HOMEZ: variants seen among roughly 807,000 people sequenced by gnomAD.
HOMEZ encodes the protein homeobox and leucine zipper protein Homez.
In HOMEZ, 20 loss-of-function variants were observed where a neutral mutation model predicts 50.1. The observed-to-expected ratio is 0.40, with a 90% CI of 0.28 to 0.58. HOMEZ has a LOEUF of 0.58. Among genes scored for constraint, HOMEZ ranks in the 20% least tolerant of loss-of-function variants. The pLI is 0.46. For missense variants in HOMEZ, 579 were observed against 680.5 expected (o/e 0.85, Z 1.66); for synonymous variants, 239 against 254.7 (o/e 0.94, Z 0.59).
intron 1 of HOMEZ, among the ~76,000 whole-genome samples, chr14:23,281,904 G>A (rs1886566162): frequency 6.6e-6 from 1 of 151,870 alleles, no homozygotes; most frequent in African/African-American, 2.4e-5. Context: ...TGAGGTGGGA[G>A]GATTGCTTGA....
chr14:23,277,453 G>GA (rs916113797), intron 1 of HOMEZ, among the ~76,000 whole-genome samples: 82 of 152,184 alleles, frequency 5.4e-4, no homozygotes, highest in African/African-American at 1.8e-3. Context: ...GTTGTTCCAA[G>GA]AAAAAAATCT....
chr14:23,283,357 C>T (rs946702164), intron 1 of HOMEZ, among the ~76,000 whole-genome samples: 5 of 151,462 alleles, frequency 3.3e-5, no homozygotes, highest in Admixed American at 3.3e-4. Flanking sequence ...GGCAACATAG[C>T]GAGACCTCGC....
chr14:23,273,038 A>AGGG lies in HOMEZ; in HGVS notation c.*2536_*2537insCCC. The AGGG allele has an allele frequency of 1.9e-6, 1 of 526,202 alleles. No homozygotes were observed. The highest frequency in any genetic ancestry group is 3.3e-6 in the Non-Finnish European group (1 of 299,906). The allele number at this position is 526,202 out of a possible 1,614,324, so 32.6% of individuals were successfully genotyped here. A position where few individuals can be genotyped will look rare whatever the true frequency, so the allele number is the denominator to read the frequency against. Reference sequence around the variant, plus strand: ...CTTATGCTCCCCCCATCTTTACCCTATTCACCCTTATCACCTCCCAGGACA... The same window carrying AGGG: ...CTTATGCTCCCCCCATCTTTACCCTAGGGTTCACCCTTATCACCTCCCAGGACA... On this transcript the variant is annotated 3_prime_UTR_variant, in exon 2 of 2. Coordinates refer to ENST00000357460, the MANE Select transcript of HOMEZ (RefSeq NM_020834.3).
rs45582142 is a variant in HOMEZ, at chr14:23,274,337, G to A, written c.*1238C>T. ...CAAGCTGGACAGGAGGTAGTTAACA[G>A]GTTTGTAAAACCAAACCTGAAACCT... On this transcript the variant is annotated 3_prime_UTR_variant, in exon 2 of 2. Transcript: ENST00000357460. 1 of 152,496 alleles carries A rather than the reference G, an allele frequency of 6.6e-6. No homozygotes were observed. The allele number at this position is 152,496 out of a possible 1,614,324, so 9.4% of individuals were successfully genotyped here. A position where few individuals can be genotyped will look rare whatever the true frequency, so the allele number is the denominator to read the frequency against.
At chr14:23,280,738 T>A (rs370682986) in intron 1 of HOMEZ, among the ~76,000 whole-genome samples, 2,448 of 14,302 alleles carry the variant, frequency 0.17, 250 homozygotes, top group African/African-American at 0.27. Flanking sequence ...TTATTTTATT[T>A]TATTATTTTA....
chr14:23,280,710 T>A (rs990065402), intron 1 of HOMEZ, among the ~76,000 whole-genome samples: 4 of 62,114 alleles, frequency 6.4e-5, no homozygotes, highest in Admixed American at 6.0e-4. Context: ...TATATTTTTA[T>A]TTTTATTTTA....
Position 23,272,426 on chromosome 14 carries a change from C to CAACA in HOMEZ, c.*3145_*3148dup, listed in dbSNP as rs376451658. 2.5e-3 allele frequency: 626 copies of CAACA among 253,878 alleles called. 4 individuals carry two copies. Among genetic ancestry groups the CAACA allele is most frequent in the African/African-American group, 0.012 (499 of 42,102 alleles). The allele number at this position is 253,878 out of a possible 1,614,324, so 15.7% of individuals were successfully genotyped here. ...AGAGCGAGACTCCATCTCAAAAAAA[C>CAACA]AACAAACAAACAAACAAACAAACAA... On this transcript the variant is annotated 3_prime_UTR_variant, in exon 2 of 2. Transcript: ENST00000357460.
rs772969776 is a variant in HOMEZ at position 23,276,565 on chromosome 14, T to C, written c.663A>G (p.Gln221=). ...GAFPYQSDFW[Q]HLQSSGLSKE... ...TTGAGAGGCCACTGCTTTGAAGATG[T>C]TGCCAAAAATCTGATTGGTAGGGGA... The change falls in exon 2 of 2, where the codon CAA becomes CAG. Residue 221 remains glutamine (Q), a synonymous_variant. Transcript: ENST00000357460. This position sits in a 1 kb window ranked among gnomAD's most constrained non-coding sequence, Gnocchi z 4.1. 6 of 1,613,926 alleles carry C rather than the reference T, an allele frequency of 3.7e-6. No individual in the cohort carries two copies. Among genetic ancestry groups the C allele is most frequent in the South Asian group, 1.1e-5 (1 of 91,092 alleles).
chr14:23,280,689 A>AGTATTT (rs1886478115), intron 1 of HOMEZ, among the ~76,000 whole-genome samples: 1 of 118,442 alleles, frequency 8.4e-6, no homozygotes, highest in Non-Finnish European at 1.8e-5. Context: ...GTTATATTTT[A>AGTATTT]TTTTTATTTT....
chr14:23,280,365 T>C (rs10136270), intron 1 of HOMEZ, among the ~76,000 whole-genome samples: 56,103 of 151,906 alleles, frequency 0.37, 11,252 homozygotes, highest in Middle Eastern at 0.49. Context: ...CCTCAGTCAC[T>C]AACAGCCCCC....
chr14:23,286,061 GC>G lies in HOMEZ; in HGVS notation c.-110del, dbSNP rs949485731. 20 of 1,224,006 alleles carry G rather than the reference GC, an allele frequency of 1.6e-5. No individual in the cohort carries two copies. The highest frequency in any genetic ancestry group is 1.1e-4 in the African/African-American group (7 of 64,046). 75.8% of individuals were successfully genotyped at this position (1,224,006 alleles called of 1,614,324 possible). A position where few individuals can be genotyped will look rare whatever the true frequency, so the allele number is the denominator to read the frequency against. ...CCCAGCGATGGCCGAAACCGGGACT[GC>G]CCCCCCCACCGTCCCCGGGAGCGCG... On this transcript the variant is annotated 5_prime_UTR_variant, in exon 1 of 2. Coordinates refer to ENST00000357460, the MANE Select transcript of HOMEZ (RefSeq NM_020834.3).
chr14:23,272,960 G>T lies in HOMEZ; in HGVS notation c.*2615C>A. The stretch of plus-strand genomic sequence containing the variant: ...CTGTAGCTTCCAGTACGCATTAGGG[G>T]TGATGGCCCTGGAAAATGTATCCCT... On this transcript the variant is annotated 3_prime_UTR_variant, in exon 2 of 2. Coordinates refer to ENST00000357460, the MANE Select transcript of HOMEZ (RefSeq NM_020834.3). 2 of 863,388 alleles carry T rather than the reference G, an allele frequency of 2.3e-6. No individual in the cohort carries two copies. Among genetic ancestry groups the T allele is most frequent in the Admixed American group, 6.0e-5 (2 of 33,302 alleles). 53.5% of individuals were successfully genotyped at this position (863,388 alleles called of 1,614,324 possible).
intron 1 of HOMEZ, among the ~76,000 whole-genome samples, chr14:23,280,703 ATTTTTATTTTTATTTTATTTTATTTTAT>A (rs1886491682): frequency 1.6e-5 from 1 of 61,598 alleles, no homozygotes; most frequent in Non-Finnish European, 3.8e-5. Context: ...TTATTTTTAT[ATTTTTATTTTTATTTTATTTTATTTTAT>A]TTTATTTTAT....
rs1886255383 is a variant in HOMEZ at position 23,273,426 on chromosome 14, C to G, written c.*2149G>C. 1 of 152,348 alleles carries G rather than the reference C, an allele frequency of 6.6e-6. No homozygotes were observed. Among genetic ancestry groups the G allele is most frequent in the Non-Finnish European group, 1.5e-5 (1 of 68,204 alleles). The allele number at this position is 152,348 out of a possible 1,614,324, so 9.4% of individuals were successfully genotyped here. On this transcript the variant is annotated 3_prime_UTR_variant, in exon 2 of 2. Transcript: ENST00000357460. ...AACAACTGTTGGAGACACTGATTTT[C>G]AGCTTAGTATATAGATAGTAAAATA...
chr14:23,285,090 C>T (rs573507454), intron 1 of HOMEZ: 1 of 152,292 alleles, frequency 6.6e-6, no homozygotes, highest in African/African-American at 2.4e-5. Flanking sequence ...CTCACCACTA[C>T]ATCAAAAGAT....
At chr14:23,284,179 C>T (rs2140509974) in intron 1 of HOMEZ, among the ~76,000 whole-genome samples, 1 of 152,296 alleles carries the variant, frequency 6.6e-6, no homozygotes, top group South Asian at 2.1e-4. Context: ...TAGTTGCTGC[C>T]AAGAAGCCAG....
chr14:23,285,856 G>T, intron 1 of HOMEZ, 57 bp downstream of exon 1: 1 of 1,008,408 alleles, frequency 9.9e-7, no homozygotes, highest in Non-Finnish European at 1.3e-6. Flanking sequence ...GGGCTCCAGA[G>T]GTGGGAGACC....
At chr14:23,280,693 TTATTTTTATATTTTTATTTTTATTTTA>T (rs1886482951) in intron 1 of HOMEZ, among the ~76,000 whole-genome samples, 1 of 117,962 alleles carries the variant, frequency 8.5e-6, no homozygotes, top group South Asian at 3.3e-4. Flanking sequence ...TATTTTATTT[TTATTTTTATATTTTTATTTTTATTTTA>T]TTTTATTTTA....
Position 23,286,078 on chromosome 14 carries a change from C to T in HOMEZ, c.-126G>A, listed in dbSNP as rs567244395. ...CCGGGACTGCCCCCCCCACCGTCCC[C>T]GGGAGCGCGCCGGTCTACCCAGCCC... On this transcript the variant is annotated 5_prime_UTR_variant, in exon 1 of 2. Transcript: ENST00000357460. The T allele has an allele frequency of 1.1e-3, 1,368 of 1,230,442 alleles. 2 individuals are homozygous for T. Among genetic ancestry groups the T allele is most frequent in the Middle Eastern group, 3.7e-3 (12 of 3,206 alleles). 76.2% of individuals were successfully genotyped at this position (1,230,442 alleles called of 1,614,324 possible).
Sources: gnomAD v4.1 joint callset for allele counts (sites outside exome capture counted in the v4.1 genomes callset) on GRCh38, gnomAD v4.1.1 for gene constraint, Gnocchi (gnomAD v3.1) non-coding constraint, MANE v1.5 for transcripts, NCBI Gene and HGNC (gene_info 2026-07-23, HGNC 2026-07-21) for gene names.